KPNA6: variants seen among roughly 807,000 people sequenced by gnomAD.
KPNA6 encodes importin subunit alpha-7.
Under a neutral mutation model 72.0 loss-of-function variants are expected in KPNA6, and 9 were observed. The observed-to-expected ratio is 0.13, with a 90% CI of 0.08 to 0.22. The LOEUF is 0.22. KPNA6 is among the 10% of genes least tolerant of loss of function. The probability of loss-of-function intolerance (pLI) is 1.00; values close to 1 mark genes in which losing one functional copy is unlikely to be tolerated. For missense variants in KPNA6, 374 were observed against 655.7 expected (o/e 0.57, Z 4.69); for synonymous variants, 219 against 242.1 (o/e 0.90, Z 0.89).
At chr1:32,166,305 GAAGA>G in intron 11 of KPNA6, 75 bp downstream of exon 11, 1 of 1,512,874 alleles carries the variant, frequency 6.6e-7, no homozygotes, top group East Asian at 2.4e-5. Context: ...TTTGCTTTCA[GAAGA>G]AAGAATTTGT....
intron 9 of KPNA6, 93 bp downstream of exon 9, chr1:32,162,617 A>G: frequency 7.2e-7 from 1 of 1,390,366 alleles, no homozygotes; most frequent in South Asian, 1.2e-5. Flanking sequence ...TGGGCGGATC[A>G]CAAGGTCAGG....
chr1:32,119,004 A>G lies in KPNA6; in HGVS notation c.4+10870A>G, dbSNP rs1391822167. On this transcript the variant is annotated intron_variant, in intron 1 of 13. Coordinates refer to ENST00000373625, the MANE Select transcript of KPNA6 (RefSeq NM_012316.5). ...TGTGTGTGTGTGTGTATACATATAT[A>G]TATATATATATATATATATATATAT... Among the ~76,000 whole-genome samples, 609 of 62,276 alleles carry G rather than the reference A, an allele frequency of 9.8e-3. 1 individual carries two copies. Among genetic ancestry groups the G allele is most frequent in the East Asian group, 0.031 (70 of 2,280 alleles). The allele number at this position is 62,276 out of a possible 152,430, so 40.9% of individuals were successfully genotyped here. A position where few individuals can be genotyped will look rare whatever the true frequency, so the allele number is the denominator to read the frequency against.
intron 1 of KPNA6, among the ~76,000 whole-genome samples, chr1:32,126,558 TA>T (rs1222399439): frequency 6.6e-6 from 1 of 152,038 alleles, no homozygotes; most frequent in Non-Finnish European, 1.5e-5. Flanking sequence ...CTAATTTTTG[TA>T]TTTTTAGTAG....
intron 1 of KPNA6, among the ~76,000 whole-genome samples, chr1:32,150,956 C>G (rs541909510): frequency 6.6e-6 from 1 of 151,978 alleles, no homozygotes; most frequent in African/African-American, 2.4e-5. Flanking sequence ...GGGTCTCACT[C>G]TGTTGCCCAG....
chr1:32,162,352 T>C lies in KPNA6; in HGVS notation c.748-9T>C, dbSNP rs1179153243. The C allele has an allele frequency of 6.4e-7, 1 of 1,571,972 alleles. No individual in the cohort carries two copies. Among genetic ancestry groups the C allele is most frequent in the East Asian group, 2.2e-5 (1 of 44,640 alleles). ...CCCCTGTGAGTCTTTCTCACTCTGC[T>C]TCCCACAGGTCTCTCCTTGTTTGCC... On this transcript the variant is annotated splice_polypyrimidine_tract_variant and intron_variant, in intron 8 of 13. Transcript: ENST00000373625.
intron 1 of KPNA6, among the ~76,000 whole-genome samples, chr1:32,132,933 C>T (rs1557465313): frequency 6.6e-6 from 1 of 151,924 alleles, no homozygotes; most frequent in Non-Finnish European, 1.5e-5. Context: ...TGGGGTCCCA[C>T]TCTGTTGCCC....
chr1:32,144,270 G>GGGAT (rs1171576583), intron 1 of KPNA6, among the ~76,000 whole-genome samples: 1 of 152,144 alleles, frequency 6.6e-6, no homozygotes, highest in Non-Finnish European at 1.5e-5. Context: ...ACTGGACAAA[G>GGGAT]GGATGATTCA....
At chr1:32,128,052 C>T (rs1332850935) in intron 1 of KPNA6, among the ~76,000 whole-genome samples, 1 of 152,010 alleles carries the variant, frequency 6.6e-6, no homozygotes, top group Admixed American at 6.6e-5. Flanking sequence ...GGAAATTGAG[C>T]TCTTTCATTT....
chr1:32,173,735 C>T lies in KPNA6; in HGVS notation c.*2841C>T, dbSNP rs1272983646. 6.6e-6 allele frequency: 1 copy of T among 152,248 alleles called. No individual in the cohort carries two copies. Among genetic ancestry groups the T allele is most frequent in the African/African-American group, 2.4e-5 (1 of 41,454 alleles). The allele number at this position is 152,248 out of a possible 1,614,324, so 9.4% of individuals were successfully genotyped here. On this transcript the variant is annotated 3_prime_UTR_variant, in exon 14 of 14. Transcript: ENST00000373625. ...TCTTCATCTAGATTCCATACCCTGG[C>T]CTAGGCGAGGTAAGGCTCTCTGGTT...
At chr1:32,145,203 C>G (rs1641909379) in intron 1 of KPNA6, among the ~76,000 whole-genome samples, 1 of 151,974 alleles carries the variant, frequency 6.6e-6, no homozygotes, top group Non-Finnish European at 1.5e-5. Flanking sequence ...TCGTGATCCA[C>G]CCACCTCGGC....
intron 1 of KPNA6, among the ~76,000 whole-genome samples, chr1:32,124,271 G>T (rs1641492198): frequency 6.6e-6 from 1 of 151,818 alleles, no homozygotes; most frequent in Non-Finnish European, 1.5e-5. Flanking sequence ...TACTTTTGAG[G>T]GTGAAGTGGG....
intron 1 of KPNA6, among the ~76,000 whole-genome samples, chr1:32,144,997 G>T (rs1641905547): frequency 6.8e-6 from 1 of 148,090 alleles, no homozygotes; most frequent in Non-Finnish European, 1.5e-5. Context: ...CTGTCGCCCA[G>T]GCTGAAGTGC....
At chr1:32,170,185 TGTGTCTTCAGAA>T in intron 13 of KPNA6, 125 bp downstream of exon 13, 3 of 819,464 alleles carry the variant, frequency 3.7e-6, no homozygotes, top group Non-Finnish European at 5.7e-6. Flanking sequence ...GACTGATGTC[TGTGTCTTCAGAA>T]CAGTTAAGAG....
At chr1:32,128,972 C>T (rs1436037457) in intron 1 of KPNA6, among the ~76,000 whole-genome samples, 1 of 152,092 alleles carries the variant, frequency 6.6e-6, no homozygotes, top group Non-Finnish European at 1.5e-5. Context: ...AAATAATACC[C>T]AAGTTGCACA....
At chr1:32,116,189 CTT>C (rs370003341) in intron 1 of KPNA6, among the ~76,000 whole-genome samples, 24 of 141,320 alleles carry the variant, frequency 1.7e-4, no homozygotes, top group Middle Eastern at 3.7e-3. Flanking sequence ...CTTTTCTTTT[CTT>C]TTTTTTTTTT....
intron 10 of KPNA6, among the ~76,000 whole-genome samples, chr1:32,165,080 T>G (rs1642308710): frequency 1.3e-5 from 2 of 152,038 alleles, no homozygotes; most frequent in Admixed American, 6.6e-5. Flanking sequence ...TTGAATTTGT[T>G]TTTTTTTGGA....
chr1:32,115,896 A>G (rs1259590408), intron 1 of KPNA6, among the ~76,000 whole-genome samples: 2 of 151,708 alleles, frequency 1.3e-5, no homozygotes, highest in African/African-American at 4.8e-5. Context: ...GGTGCCCGCC[A>G]CCACATCTGG....
In KPNA6 at chr1:32,167,414, T is replaced by C. The variant is rs1470383897; in HGVS notation, c.1244+118T>C. 2.7e-6 allele frequency: 3 copies of C among 1,111,106 alleles called. No homozygotes were observed. The Admixed American group carries it at 6.6e-5, about 24-fold the overall frequency. The allele number at this position is 1,111,106 out of a possible 1,614,324, so 68.8% of individuals were successfully genotyped here. ...AGACAGGTCTGCCCCCTAGTCTCAC[T>C]GTAATAGAATTTTACTGGTAAACTG... is the stretch of plus-strand genomic sequence containing the variant. On this transcript the variant is annotated intron_variant, in intron 12 of 13. Coordinates refer to ENST00000373625, the MANE Select transcript of KPNA6 (RefSeq NM_012316.5).
chr1:32,158,199 G>C, intron 4 of KPNA6, 68 bp from the exon 5 acceptor site: 1 of 982,824 alleles, frequency 1.0e-6, no homozygotes, highest in Non-Finnish European at 1.6e-6. Context: ...AGGATTGCAA[G>C]CTGACCCCCA....
Sources: gnomAD v4.1 joint callset for allele counts (sites outside exome capture counted in the v4.1 genomes callset) on GRCh38, gnomAD v4.1.1 for gene constraint, MANE v1.5 for transcripts, NCBI Gene and HGNC (gene_info 2026-07-23, HGNC 2026-07-21) for gene names.